SAMD12: variants seen among roughly 807,000 people sequenced by gnomAD.
SAMD12 encodes the protein sterile alpha motif domain containing 12, also known as sterile alpha motif domain-containing protein 12.
A neutral mutation model predicts 15.0 loss-of-function variants in SAMD12; 9 were observed. The observed-to-expected ratio is 0.60, with a 90% CI of 0.36 to 1.05. The LOEUF is 1.05. Ranked by LOEUF, SAMD12 falls within the 50% of genes least tolerant of loss-of-function variation. The probability of loss-of-function intolerance (pLI) is 0.01; values close to 1 mark genes in which losing one functional copy is unlikely to be tolerated. For synonymous variants in SAMD12, 86 were observed against 90.1 expected (o/e 0.96, Z 0.25); for missense variants, 230 against 234.2 (o/e 0.98, Z 0.12).
intron 4 of SAMD12, among the ~76,000 whole-genome samples, chr8:118,326,638 C>T (rs1437877719): frequency 6.6e-6 from 1 of 152,102 alleles, no homozygotes; most frequent in African/African-American, 2.4e-5. Context: ...GGAATTGTTA[C>T]TTTAAGGTAT....
At chr8:118,605,018 T>C (rs753874082) in intron 1 of SAMD12, among the ~76,000 whole-genome samples, 12 of 152,216 alleles carry the variant, frequency 7.9e-5, no homozygotes, top group African/African-American at 2.7e-4. Flanking sequence ...GTGATAAAGA[T>C]AGACGAGCAT....
chr8:118,469,066 C>T (rs555880208), intron 2 of SAMD12, among the ~76,000 whole-genome samples: 28 of 152,240 alleles, frequency 1.8e-4, no homozygotes, highest in African/African-American at 5.8e-4. Context: ...TCTGCCTGTC[C>T]ACTAGCAGGT....
In SAMD12 at chr8:118,303,748, A is replaced by C. The variant is rs193016407; in HGVS notation, c.433+75812T>G. On this transcript the variant is annotated intron_variant, in intron 4 of 4. Transcript: ENST00000409003. ...CCTAATTTGTGTGCTGCCATCATCA[A>C]TGTTGTCAGCATAGTTCTGGGAATA... Among the ~76,000 whole-genome samples the C allele has an allele frequency of 1.7e-3, 259 of 152,112 alleles. 2 individuals are homozygous for C. Among genetic ancestry groups the C allele is most frequent in the Middle Eastern group, 0.01 (3 of 290 alleles).
At chr8:118,456,540 T>C (rs1057020607) in intron 2 of SAMD12, among the ~76,000 whole-genome samples, 4 of 152,218 alleles carry the variant, frequency 2.6e-5, no homozygotes, top group Non-Finnish European at 4.4e-5. Context: ...ATATATACAT[T>C]CTAGAAGCGA....
chr8:118,179,505 G>C, the SAMD12 span, among the ~76,000 whole-genome samples: 36 of 152,020 alleles, frequency 2.4e-4, no homozygotes, highest in African/African-American at 8.7e-4. Context: ...TGGTTGGCCA[G>C]GTACGAGGGG....
intron 2 of SAMD12, among the ~76,000 whole-genome samples, chr8:118,549,106 G>A (rs1826235652): frequency 6.6e-6 from 1 of 152,254 alleles, no homozygotes; most frequent in Non-Finnish European, 1.5e-5. Flanking sequence ...GCAGGGCACA[G>A]ACAAACAAAA....
At chr8:118,440,250 T>A (rs1822700603) in intron 2 of SAMD12, among the ~76,000 whole-genome samples, 1 of 152,042 alleles carries the variant, frequency 6.6e-6, no homozygotes. Context: ...CAAAAAACAA[T>A]GGGGTTGCTA....
chr8:118,310,195 A>T (rs1586493103), intron 4 of SAMD12, among the ~76,000 whole-genome samples: 1 of 152,192 alleles, frequency 6.6e-6, no homozygotes, highest in East Asian at 1.9e-4. Flanking sequence ...CACACAAAAA[A>T]ATCACTCCTT....
chr8:118,453,784 G>C (rs770431821), intron 2 of SAMD12, among the ~76,000 whole-genome samples: 8 of 152,110 alleles, frequency 5.3e-5, no homozygotes, highest in Non-Finnish European at 1.0e-4. Flanking sequence ...GCCTCCCAAA[G>C]TCCTGGGATT....
chr8:118,145,151 TA>T, the SAMD12 span, among the ~76,000 whole-genome samples: 14 of 152,248 alleles, frequency 9.2e-5, no homozygotes, highest in Non-Finnish European at 4.4e-5. Flanking sequence ...ATTTTGATAG[TA>T]AATAACAGTT....
At chr8:118,235,661 T>C (rs1483102531) in intron 4 of SAMD12, among the ~76,000 whole-genome samples, 1 of 152,032 alleles carries the variant, frequency 6.6e-6, no homozygotes, top group Non-Finnish European at 1.5e-5. Context: ...TACTTCAGAG[T>C]GAAATTCATT....
At chr8:118,160,165 A>T in the SAMD12 span, among the ~76,000 whole-genome samples, 1 of 152,272 alleles carries the variant, frequency 6.6e-6, no homozygotes, top group Non-Finnish European at 1.5e-5. Flanking sequence ...TAATATTTAA[A>T]GACTAATTTG....
chr8:118,267,699 T>TG (rs1393754643), intron 4 of SAMD12, among the ~76,000 whole-genome samples: 70 of 135,492 alleles, frequency 5.2e-4, no homozygotes, highest in East Asian at 4.4e-3. Flanking sequence ...ATTTCCCATC[T>TG]GTTGTGTGTG....
At chr8:118,323,939 T>G (rs1457303405) in intron 4 of SAMD12, among the ~76,000 whole-genome samples, 1 of 152,130 alleles carries the variant, frequency 6.6e-6, no homozygotes, top group African/African-American at 2.4e-5. Flanking sequence ...TACATACAGG[T>G]TTTTTTCAAG....
At chr8:118,546,084 G>C (rs1826115525) in intron 2 of SAMD12, among the ~76,000 whole-genome samples, 1 of 152,160 alleles carries the variant, frequency 6.6e-6, no homozygotes, top group Admixed American at 6.6e-5. Context: ...CCAAACAAAT[G>C]CCATCATTCC....
At chr8:118,135,778 A>C in the SAMD12 span, among the ~76,000 whole-genome samples, 1 of 151,612 alleles carries the variant, frequency 6.6e-6, no homozygotes, top group South Asian at 2.1e-4. Context: ...CCTGGACTTA[A>C]GCAATGGGAG....
In SAMD12 at chr8:118,559,220, CT is replaced by C. The variant is rs200045596; in HGVS notation, c.192+21494del. Among the ~76,000 whole-genome samples, 3 of 151,984 alleles carry C rather than the reference CT, an allele frequency of 2.0e-5. No individual in the cohort carries two copies. In the East Asian group the frequency reaches 5.8e-4, roughly 29 times the overall value. On this transcript the variant is annotated intron_variant, in intron 2 of 3. Transcript: ENST00000314727. Reference sequence around the variant, plus strand: ...TTCCAGGAAGACCCTTTTTTCCCCCCTACCTAGAACCCAGATTAAGACAGAT... The same window carrying C: ...TTCCAGGAAGACCCTTTTTTCCCCCCACCTAGAACCCAGATTAAGACAGAT...
At chr8:118,234,659 C>G (rs552497399) in intron 4 of SAMD12, among the ~76,000 whole-genome samples, 1 of 123,674 alleles carries the variant, frequency 8.1e-6, no homozygotes, top group South Asian at 2.4e-4. Flanking sequence ...TGCCGTGAGA[C>G]AAGATCATGC....
chr8:118,542,832 C>G (rs1423864913), intron 2 of SAMD12, among the ~76,000 whole-genome samples: 2 of 151,862 alleles, frequency 1.3e-5, no homozygotes, highest in Non-Finnish European at 2.9e-5. Flanking sequence ...CACGGACTTC[C>G]CAAGGTTGTC....
Sources: gnomAD v4.1 joint callset for allele counts (sites outside exome capture counted in the v4.1 genomes callset) on GRCh38, gnomAD v4.1.1 for gene constraint, MANE v1.5 for transcripts, NCBI Gene and HGNC (gene_info 2026-07-23, HGNC 2026-07-21) for gene names.